Variants in MAGI2 observed in about 807,000 individuals in gnomAD.
MAGI2 encodes the protein membrane-associated guanylate kinase, WW and PDZ domain-containing protein 2.
MAGI2 carries 35 observed loss-of-function variants against 133.3 expected under a neutral mutation model. The observed-to-expected ratio is 0.26, with a 90% CI of 0.20 to 0.35. The LOEUF (loss-of-function observed/expected upper bound fraction) is 0.35. MAGI2 is among the 10% of genes least tolerant of loss of function. MAGI2 has a pLI of 1.00. For synonymous variants in MAGI2, 729 were observed against 710.6 expected (o/e 1.03, Z -0.41); for missense variants, 1,636 against 1,863.4 (o/e 0.88, Z 2.25).
chr7:78,244,167 T>TAAA (rs535442682), intron 10 of MAGI2, among the ~76,000 whole-genome samples: 8 of 68,832 alleles, frequency 1.2e-4, no homozygotes, highest in African/African-American at 1.5e-4. Context: ...CTATTTAAAT[T>TAAA]AAAAAAAAAA....
intron 1 of MAGI2, among the ~76,000 whole-genome samples, chr7:79,370,081 G>A (rs1054387287): frequency 2.0e-5 from 3 of 152,016 alleles, no homozygotes; most frequent in Non-Finnish European, 4.4e-5. Flanking sequence ...GACAAGGATA[G>A]ATGTGAGAGC....
At chr7:79,186,499 G>T (rs1827155582) in intron 1 of MAGI2, among the ~76,000 whole-genome samples, 2 of 148,690 alleles carry the variant, frequency 1.3e-5, no homozygotes, top group Non-Finnish European at 3.0e-5. Context: ...AAGTAGATTT[G>T]CATGGTTGTG....
intron 8 of MAGI2, among the ~76,000 whole-genome samples, chr7:78,344,640 G>A (rs1228445689): frequency 6.6e-6 from 1 of 152,108 alleles, no homozygotes; most frequent in Non-Finnish European, 1.5e-5. Flanking sequence ...TATTGGCTCC[G>A]ATAGTGTTTA....
At chr7:78,984,077 T>C (rs1805029033) in intron 2 of MAGI2, among the ~76,000 whole-genome samples, 2 of 152,030 alleles carry the variant, frequency 1.3e-5, no homozygotes, top group Non-Finnish European at 2.9e-5. Flanking sequence ...ACTGCATTAG[T>C]CCAGAGACTC....
rs200005041 is a variant in MAGI2 at position 79,368,403 on chromosome 7, C to A, written c.301+84617G>T. The stretch of plus-strand genomic sequence containing the variant: ...CACATTTGCAGCATAGTTTTGACTT[C>A]CCTTCAGATCAATCAAGTCCTTTGC... On this transcript the variant is annotated intron_variant, in intron 1 of 21. Transcript: ENST00000354212. Among the ~76,000 whole-genome samples, 5 of 152,118 alleles carry A rather than the reference C, an allele frequency of 3.3e-5. No individual in the cohort carries two copies. In the East Asian group the frequency reaches 9.7e-4, roughly 29 times the overall value.
intron 1 of MAGI2, chr7:79,353,381 C>A (rs1250551066): frequency 2.7e-5 from 12 of 446,436 alleles, no homozygotes; most frequent in Non-Finnish European, 5.0e-5. Context: ...CTGTCTCTGG[C>A]TGTGGCATCT....
chr7:79,161,599 A>G (rs879362084), intron 1 of MAGI2, among the ~76,000 whole-genome samples: 2 of 152,070 alleles, frequency 1.3e-5, no homozygotes. Flanking sequence ...AATTATGAGG[A>G]GCTGCCAAAT....
intron 1 of MAGI2, among the ~76,000 whole-genome samples, chr7:79,106,266 A>G (rs1188367937): frequency 1.3e-5 from 2 of 152,184 alleles, no homozygotes; most frequent in African/African-American, 4.8e-5. Context: ...CAATAGAGAT[A>G]AGGAACAAAT....
At chr7:78,753,530 C>A (rs75516992) in intron 2 of MAGI2, among the ~76,000 whole-genome samples, 139 of 151,982 alleles carry the variant, frequency 9.1e-4, no homozygotes, top group African/African-American at 3.1e-3. Context: ...AAGAATGTGG[C>A]AGAAAAAATA....
At chr7:79,248,515 G>A (rs188794991) in intron 1 of MAGI2, among the ~76,000 whole-genome samples, 40 of 152,124 alleles carry the variant, frequency 2.6e-4, no homozygotes, top group African/African-American at 8.4e-4. Context: ...TAGACCGAAT[G>A]GACTTATATA....
chr7:78,762,506 G>A (rs1380134749), intron 2 of MAGI2, among the ~76,000 whole-genome samples: 1 of 151,776 alleles, frequency 6.6e-6, no homozygotes, highest in Non-Finnish European at 1.5e-5. Flanking sequence ...CAACTAAATA[G>A]AAATTTTGAA....
chr7:78,210,460 C>T (rs1787661136), intron 10 of MAGI2, among the ~76,000 whole-genome samples: 1 of 152,008 alleles, frequency 6.6e-6, no homozygotes, highest in Non-Finnish European at 1.5e-5. Context: ...GTGTTGTTGG[C>T]TGAGATAAAA....
At chr7:79,143,492 T>G (rs1822324740) in intron 1 of MAGI2, among the ~76,000 whole-genome samples, 1 of 152,164 alleles carries the variant, frequency 6.6e-6, no homozygotes, top group African/African-American at 2.4e-5. Flanking sequence ...CTGTCCAATT[T>G]TAGATGACCA....
At chr7:78,370,012 A>T (rs1233726335) in intron 6 of MAGI2, among the ~76,000 whole-genome samples, 1 of 152,054 alleles carries the variant, frequency 6.6e-6, no homozygotes, top group Non-Finnish European at 1.5e-5. Flanking sequence ...GTAGATATGA[A>T]TTTTTACATA....
chr7:78,427,654 A>C (rs1799411686), intron 6 of MAGI2, among the ~76,000 whole-genome samples: 5 of 140,570 alleles, frequency 3.6e-5, no homozygotes, highest in African/African-American at 9.4e-5. Context: ...GAGAGAACAA[A>C]AAGACAAAAA....
At chr7:79,361,682 A>G (rs1157409245) in intron 1 of MAGI2, among the ~76,000 whole-genome samples, 1 of 152,230 alleles carries the variant, frequency 6.6e-6, no homozygotes, top group Non-Finnish European at 1.5e-5. Flanking sequence ...AGATCATGCT[A>G]TGGGTTATAA....
intron 17 of MAGI2, among the ~76,000 whole-genome samples, chr7:78,133,926 C>T (rs993914038): frequency 1.3e-5 from 2 of 151,670 alleles, no homozygotes; most frequent in Non-Finnish European, 2.9e-5. Flanking sequence ...CCCCTTTTTT[C>T]CCCACAGTCC....
intron 2 of MAGI2, among the ~76,000 whole-genome samples, chr7:78,753,293 A>T (rs1823626846): frequency 6.6e-6 from 1 of 152,182 alleles, no homozygotes; most frequent in African/African-American, 2.4e-5. Flanking sequence ...AAAATATAAT[A>T]GAAATTCTAA....
chr7:78,691,134 C>A lies in MAGI2; in HGVS notation c.419-63895G>T, dbSNP rs143549483. ...TCCCTCTGCCTAGAATACTTTTTAA[C>A]CTGGATAACCTTTATTCCTTTTTGA... On this transcript the variant is annotated intron_variant, in intron 2 of 21. Coordinates refer to ENST00000354212, the MANE Select transcript of MAGI2 (RefSeq NM_012301.4). 1.4e-3 allele frequency among the ~76,000 whole-genome samples: 220 copies of A among 152,304 alleles called. 1 individual carries two copies. Among genetic ancestry groups the A allele is most frequent in the African/African-American group, 5.2e-3 (218 of 41,568 alleles).
Sources: allele counts gnomAD v4.1 joint callset (sites outside exome capture counted in the v4.1 genomes callset), GRCh38; gene constraint gnomAD v4.1.1; transcripts MANE v1.5; gene names NCBI Gene and HGNC (gene_info 2026-07-23, HGNC 2026-07-21).